The following MAF variants were observed in gnomAD, a reference collection of about 807,000 sequenced individuals.
The protein encoded by MAF is transcription factor Maf.
In MAF, 10 loss-of-function variants were observed where a neutral mutation model predicts 22.0. The observed-to-expected ratio is 0.45, with a 90% CI of 0.28 to 0.77. The LOEUF is 0.77. Ranked by LOEUF, MAF falls within the 30% of genes least tolerant of loss-of-function variation. The pLI is 0.12. For synonymous variants in MAF, 337 were observed against 255.8 expected, an observed-to-expected ratio of 1.32 and a Z score of -3.03; for missense variants, 544 against 548.4, an observed-to-expected ratio of 0.99 and a Z score of 0.08.
At chr16:79,354,381 T>G in the MAF span, among the ~76,000 whole-genome samples, 9,636 of 152,012 alleles carry the variant, frequency 0.063, 770 homozygotes, top group African/African-American at 0.19. Context: ...AGAAACCTAG[T>G]TCCTGGAATG....
chr16:79,474,196 C>A, the MAF span, among the ~76,000 whole-genome samples: 1 of 152,130 alleles, frequency 6.6e-6, no homozygotes. Flanking sequence ...AAGGGCTACC[C>A]CCTCCTCCAA....
chr16:79,384,451 G>GAAA, the MAF span, among the ~76,000 whole-genome samples: 741 of 109,788 alleles, frequency 6.7e-3, 8 homozygotes, highest in Middle Eastern at 0.015. Flanking sequence ...GTCTCAAAAA[G>GAAA]AAAAAAAAAA....
chr16:79,359,704 C>T, the MAF span, among the ~76,000 whole-genome samples: 1 of 152,284 alleles, frequency 6.6e-6, no homozygotes, highest in East Asian at 1.9e-4. Context: ...TAGCCAAGAG[C>T]TTGGGGGTCA....
the MAF span, among the ~76,000 whole-genome samples, chr16:79,522,374 G>C: frequency 2.0e-5 from 3 of 152,170 alleles, no homozygotes; most frequent in African/African-American, 7.2e-5. Flanking sequence ...ATGGTGGCCT[G>C]TACCTTCCCC....
At chr16:79,241,465 A>C in the MAF span, among the ~76,000 whole-genome samples, 5 of 152,116 alleles carry the variant, frequency 3.3e-5, no homozygotes, top group East Asian at 7.7e-4. Context: ...TAACTTACTG[A>C]AATAAAGTGA....
the MAF span, among the ~76,000 whole-genome samples, chr16:79,491,414 G>T: frequency 2.6e-5 from 4 of 152,156 alleles, no homozygotes; most frequent in African/African-American, 9.7e-5. Context: ...CATTCTTCAT[G>T]CAGGTTCTTC....
the MAF span, among the ~76,000 whole-genome samples, chr16:79,308,904 T>G: frequency 7.2e-5 from 11 of 152,182 alleles, no homozygotes; most frequent in Admixed American, 5.9e-4. Context: ...AATATAGGAC[T>G]CCTGCCTTTA....
chr16:79,365,796 A>C, the MAF span, among the ~76,000 whole-genome samples: 1 of 152,212 alleles, frequency 6.6e-6, no homozygotes, highest in East Asian at 1.9e-4. Context: ...GAAATTGTTG[A>C]CGAGGTGCCA....
chr16:79,289,401 G>C, the MAF span, among the ~76,000 whole-genome samples: 1 of 152,162 alleles, frequency 6.6e-6, no homozygotes, highest in Non-Finnish European at 1.5e-5. Context: ...AGATGGAATT[G>C]TGAAGGGGGA....
chr16:79,448,672 G>T, the MAF span, among the ~76,000 whole-genome samples: 3 of 151,718 alleles, frequency 2.0e-5, no homozygotes, highest in African/African-American at 4.8e-5. Context: ...TGATCCACAC[G>T]CCTCAACCTC....
the MAF span, among the ~76,000 whole-genome samples, chr16:79,340,959 T>C: frequency 6.6e-6 from 1 of 151,974 alleles, no homozygotes; most frequent in East Asian, 1.9e-4. Flanking sequence ...GGTGGTCAGG[T>C]GACATTTAAG....
the MAF span, among the ~76,000 whole-genome samples, chr16:79,239,435 G>T: frequency 6.6e-6 from 1 of 151,988 alleles, no homozygotes; most frequent in Non-Finnish European, 1.5e-5. Context: ...GTTATCTGGG[G>T]GATGGTTTGT....
At chr16:79,286,950 A>G in the MAF span, among the ~76,000 whole-genome samples, 1 of 152,172 alleles carries the variant, frequency 6.6e-6, no homozygotes, top group Non-Finnish European at 1.5e-5. Context: ...CAAAAAACCA[A>G]AAAACAAACA....
At chr16:79,272,847 CA>C in the MAF span, among the ~76,000 whole-genome samples, 1 of 152,174 alleles carries the variant, frequency 6.6e-6, no homozygotes, top group Non-Finnish European at 1.5e-5. Flanking sequence ...TTGGTCTTGG[CA>C]CCTGTTTGCC....
chr16:79,357,233 G>T, the MAF span, among the ~76,000 whole-genome samples: 1 of 150,552 alleles, frequency 6.6e-6, no homozygotes, highest in South Asian at 2.1e-4. Context: ...TCCAGCCTGG[G>T]CAACAGAGCA....
At chr16:79,236,281 C>T in the MAF span, among the ~76,000 whole-genome samples, 3 of 152,030 alleles carry the variant, frequency 2.0e-5, no homozygotes, top group Non-Finnish European at 4.4e-5. Context: ...GGTGTTTGGG[C>T]AACAGCGGGA....
chr16:79,432,134 A>T, the MAF span, among the ~76,000 whole-genome samples: 1 of 152,144 alleles, frequency 6.6e-6, no homozygotes, highest in Non-Finnish European at 1.5e-5. Context: ...GGTTTCCCCC[A>T]TGCTGTTCCA....
At chr16:79,242,623 C>A in the MAF span, among the ~76,000 whole-genome samples, 2 of 152,002 alleles carry the variant, frequency 1.3e-5, no homozygotes, top group African/African-American at 2.4e-5. Context: ...TAACACCCCA[C>A]TGTCAATATG....
chr16:79,503,338 T>G, the MAF span, among the ~76,000 whole-genome samples: 1 of 152,204 alleles, frequency 6.6e-6, no homozygotes, highest in Non-Finnish European at 1.5e-5. Context: ...AAAGCGACCA[T>G]CATTTAGATA....
Sources: allele counts gnomAD v4.1 joint callset (sites outside exome capture counted in the v4.1 genomes callset), GRCh38; gene constraint gnomAD v4.1.1; transcripts MANE v1.5; gene names NCBI Gene and HGNC (gene_info 2026-07-23, HGNC 2026-07-21).